PDE8A: variants seen among roughly 807,000 people sequenced by gnomAD.
PDE8A encodes the protein phosphodiesterase 8A, also known as high affinity cAMP-specific and IBMX-insensitive 3',5'-cyclic phosphodiesterase 8A.
In PDE8A, 59 loss-of-function variants were observed where a neutral mutation model predicts 105.0. The observed-to-expected ratio is 0.56, with a 90% confidence interval of 0.46 to 0.70. The LOEUF (loss-of-function observed/expected upper bound fraction) is 0.70. Ranked by LOEUF, PDE8A falls within the 30% of genes least tolerant of loss-of-function variation. The pLI is 0.00. For synonymous variants in PDE8A, 355 were observed against 371.9 expected (o/e 0.95, Z 0.52); for missense variants, 1,014 against 1,045.9 (o/e 0.97, Z 0.42).
chr15:85,003,436 C>G (rs551224573), intron 1 of PDE8A, among the ~76,000 whole-genome samples: 1 of 152,126 alleles, frequency 6.6e-6, no homozygotes, highest in Non-Finnish European at 1.5e-5. Context: ...AGCCAGTGGA[C>G]GACCTCTGCG....
chr15:85,104,781 C>G (rs1046874241), intron 11 of PDE8A, among the ~76,000 whole-genome samples: 2 of 152,082 alleles, frequency 1.3e-5, no homozygotes, highest in African/African-American at 4.8e-5. Flanking sequence ...ACTTTTGGCC[C>G]TGGGCCAACT....
chr15:85,113,331 GC>G, intron 12 of PDE8A, 45 bp from the exon 13 acceptor site: 1 of 1,513,846 alleles, frequency 6.6e-7, no homozygotes, highest in Non-Finnish European at 9.2e-7. Context: ...CAAGACAGGT[GC>G]CCAGAGTTGT....
chr15:85,003,176 A>AG lies in PDE8A; in HGVS notation c.186+20830dup, dbSNP rs548620277. On this transcript the variant is annotated intron_variant, in intron 1 of 21. Transcript: ENST00000394553. ...TGGCTTACATAACCAGACCAAGGGAAGGACATGGGTATGCTGGCCTCTGGT... is the reference window on the plus strand; with the variant it reads ...TGGCTTACATAACCAGACCAAGGGAAGGGACATGGGTATGCTGGCCTCTGGT... 1.6e-4 allele frequency among the ~76,000 whole-genome samples: 24 copies of AG among 152,316 alleles called. No individual in the cohort carries two copies. The East Asian group carries it at 4.2e-3, about 27-fold the overall frequency.
chr15:84,994,035 T>G (rs1414529505), intron 1 of PDE8A, among the ~76,000 whole-genome samples: 2 of 152,244 alleles, frequency 1.3e-5, no homozygotes, highest in Admixed American at 1.3e-4. Context: ...TTGAGACGCA[T>G]CTTGATCTGT....
intron 1 of PDE8A, among the ~76,000 whole-genome samples, chr15:84,986,785 C>CT (rs1260064977): frequency 6.6e-5 from 10 of 150,922 alleles, no homozygotes; most frequent in African/African-American, 1.5e-4. Flanking sequence ...GTTTTTTAAA[C>CT]TTTTTTTTTG....
At chr15:85,123,337 TACACACACACAC>T (rs58421452) in intron 19 of PDE8A, 144 bp downstream of exon 19, 3,662 of 330,268 alleles carry the variant, frequency 0.011, 42 homozygotes, top group African/African-American at 0.019. Flanking sequence ...ACTAATGGGA[TACACACACACAC>T]ACACACACAC....
intron 14 of PDE8A, chr15:85,115,153 C>A: frequency 2.5e-6 from 1 of 396,424 alleles, no homozygotes; most frequent in Non-Finnish European, 4.5e-6. Flanking sequence ...AGACCACCCA[C>A]CCCTCAAAAG....
At chr15:85,050,289 C>G (rs1010896383) in intron 1 of PDE8A, among the ~76,000 whole-genome samples, 21 of 152,024 alleles carry the variant, frequency 1.4e-4, no homozygotes, top group African/African-American at 4.8e-4. Context: ...TTGATGTTGT[C>G]TTTTTATGCA....
chr15:85,039,437 A>T (rs1357643925), intron 1 of PDE8A, among the ~76,000 whole-genome samples: 1 of 152,138 alleles, frequency 6.6e-6, no homozygotes, highest in Non-Finnish European at 1.5e-5. Flanking sequence ...TAAAAAAAAA[A>T]AAAGATGGAA....
intron 14 of PDE8A, chr15:85,115,116 G>C (rs1309683017): frequency 3.0e-6 from 1 of 327,946 alleles, no homozygotes; most frequent in Admixed American, 5.5e-5. Flanking sequence ...AATGGTCCTG[G>C]AGTGCAAGCA....
chr15:85,029,319 C>T (rs1045279970), intron 1 of PDE8A, among the ~76,000 whole-genome samples: 1 of 151,638 alleles, frequency 6.6e-6, no homozygotes, highest in South Asian at 2.1e-4. Context: ...TGTTGGCTAC[C>T]GTCGGAAACT....
chr15:84,982,372 G>A (rs1596403070), intron 1 of PDE8A, 24 bp downstream of exon 1: 3 of 1,290,840 alleles, frequency 2.3e-6, no homozygotes, highest in Non-Finnish European at 2.9e-6. Context: ...GGCACTCTGG[G>A]GCCGCCGCGA....
chr15:84,994,140 C>T (rs1596414478), intron 1 of PDE8A, among the ~76,000 whole-genome samples: 1 of 152,108 alleles, frequency 6.6e-6, no homozygotes, highest in Non-Finnish European at 1.5e-5. Context: ...GAATTCATTC[C>T]TCAAGGTCTA....
At position 85,109,112 on chromosome 15, in the gene PDE8A, G is replaced by A; in HGVS notation, c.1096G>A (p.Ala366Thr). 6.2e-7 allele frequency: 1 copy of A among 1,610,696 alleles called. No homozygotes were observed. The highest frequency in any genetic ancestry group is 8.5e-7 in the Non-Finnish European group (1 of 1,177,292). Residue 366 changes from alanine to threonine, a missense_variant, in exon 12 of 22, where the codon GCC (alanine) becomes ACC (threonine). Physicochemically the swap from Ala to Thr is moderately conservative, Grantham distance 58. Coordinates refer to ENST00000394553, the MANE Select transcript of PDE8A (RefSeq NM_002605.3). ...AGGCTCACTAGACGTCAAAGCTGTT[G>A]CCTCCCGTGCAACTGAAGGTGAGTG... ...RKGSLDVKAV[A>T]SRATEVSSQR...
intron 1 of PDE8A, among the ~76,000 whole-genome samples, chr15:84,992,192 A>G (rs1013823710): frequency 2.0e-5 from 3 of 152,194 alleles, no homozygotes; most frequent in African/African-American, 7.2e-5. Flanking sequence ...AAGGTGGGGT[A>G]GGTCTCTGAC....
Position 85,100,071 on chromosome 15 carries a change from G to T in PDE8A, c.993+5G>T. ...GTGTGCAATGGCAACAATAAGGTAC[G>T]TAAGGAGAGCCCCCCGGGGCCCCAG... On this transcript the variant is annotated splice_donor_5th_base_variant and intron_variant, in intron 10 of 21. Coordinates refer to ENST00000394553, the MANE Select transcript of PDE8A (RefSeq NM_002605.3). 4 of 1,613,658 alleles carry T rather than the reference G, an allele frequency of 2.5e-6. No individual in the cohort carries two copies. Among genetic ancestry groups the T allele is most frequent in the Non-Finnish European group, 3.4e-6 (4 of 1,179,674 alleles).
chr15:85,039,127 A>C (rs969194552), intron 1 of PDE8A, among the ~76,000 whole-genome samples: 46 of 149,932 alleles, frequency 3.1e-4, no homozygotes, highest in African/African-American at 1.1e-3. Context: ...ATCTCAAGAA[A>C]AAAAAAAAAA....
intron 20 of PDE8A, among the ~76,000 whole-genome samples, chr15:85,132,838 CTGTGTG>C (rs6145662): frequency 2.6e-5 from 4 of 151,000 alleles, no homozygotes; most frequent in Admixed American, 6.6e-5. Context: ...AGTTCCTGGT[CTGTGTG>C]TGTGTGTGTG....
intron 17 of PDE8A, chr15:85,120,051 AAGTACTGCAC>A (rs2082156302): frequency 6.6e-6 from 1 of 151,216 alleles, no homozygotes; most frequent in Admixed American, 6.6e-5. Context: ...CAGAAAATAG[AAGTACTGCAC>A]ACATATGTAC....
Sources: gnomAD v4.1 joint callset for allele counts (sites outside exome capture counted in the v4.1 genomes callset) on GRCh38, gnomAD v4.1.1 for gene constraint, MANE v1.5 for transcripts, NCBI Gene and HGNC (gene_info 2026-07-23, HGNC 2026-07-21) for gene names.